Variants in PI4KA observed in about 807,000 individuals in gnomAD.
PI4KA encodes phosphatidylinositol 4-kinase alpha.
PI4KA carries 122 observed loss-of-function variants against 271.4 expected under a neutral mutation model. The ratio of observed to expected loss-of-function variants is 0.45; its 90% CI spans 0.39 to 0.52. The LOEUF is 0.52. PI4KA is among the 20% of genes least tolerant of loss of function. The probability of loss-of-function intolerance (pLI) is 0.00; values close to 1 mark genes in which losing one functional copy is unlikely to be tolerated. For synonymous variants in PI4KA, 1,041 were observed against 1,078.8 expected, an observed-to-expected ratio of 0.96 and a Z score of 0.69; for missense variants, 1,969 against 2,769.1, an observed-to-expected ratio of 0.71 and a Z score of 6.48.
At chr22:20,826,732 A>G (rs1293132182) in intron 3 of PI4KA, among the ~76,000 whole-genome samples, 2 of 152,182 alleles carry the variant, frequency 1.3e-5, no homozygotes, top group East Asian at 1.9e-4. Context: ...TGACTTTTTA[A>G]TAATAGCCAT....
intron 19 of PI4KA, chr22:20,779,859 T>C (rs1185148367): frequency 6.2e-7 from 1 of 1,614,212 alleles, no homozygotes; most frequent in Admixed American, 1.7e-5. Context: ...GATTTTGCAT[T>C]TTAAAGACTT....
chr22:20,807,321 G>T, intron 10 of PI4KA, 41 bp downstream of exon 10: 2 of 1,261,468 alleles, frequency 1.6e-6, no homozygotes, highest in Non-Finnish European at 1.2e-6. Flanking sequence ...CTGGGAGCCA[G>T]TCTTGCTGTA....
intron 19 of PI4KA, among the ~76,000 whole-genome samples, chr22:20,778,460 C>T (rs1195394790): frequency 1.2e-4 from 18 of 152,022 alleles, no homozygotes; most frequent in East Asian, 3.9e-4. Context: ...GCCGAGATCG[C>T]GCCACTGCAC....
At position 20,786,969 on chromosome 22, in the gene PI4KA, G is replaced by A. The variant is rs201913067; in HGVS notation, c.2328+6224C>T. ...TTCATGCCGCTGTCCACCCAAGTCC[G>A]CTTCACTGTCGACCGCCCCTTTCTT... On this transcript the variant is annotated intron_variant, in intron 19 of 54. Coordinates refer to ENST00000255882, the MANE Select transcript of PI4KA (RefSeq NM_058004.4). 1.2e-4 allele frequency: 200 copies of A among 1,614,042 alleles called. No homozygotes were observed. The highest frequency in any genetic ancestry group is 1.4e-4 in the Non-Finnish European group (171 of 1,180,036).
intron 7 of PI4KA, among the ~76,000 whole-genome samples, chr22:20,815,379 C>CAAAAAAAAAAAAAAAA (rs361826): frequency 2.4e-5 from 2 of 83,938 alleles, no homozygotes; most frequent in African/African-American, 4.5e-5. Context: ...GACTGCGTCT[C>CAAAAAAAAAAAAAAAA]AAAAAAAAAA....
At chr22:20,739,149 T>C (rs1031429483) in intron 32 of PI4KA, among the ~76,000 whole-genome samples, 3 of 148,406 alleles carry the variant, frequency 2.0e-5, no homozygotes, top group African/African-American at 7.4e-5. Context: ...ATCGAGACCA[T>C]CCTGGCTAAC....
intron 5 of PI4KA, 34 bp from the exon 6 acceptor site, chr22:20,819,934 A>G: frequency 6.3e-7 from 1 of 1,581,890 alleles, no homozygotes; most frequent in East Asian, 2.2e-5. Flanking sequence ...ACAATATAAG[A>G]AAGTATCCTG....
intron 3 of PI4KA, among the ~76,000 whole-genome samples, chr22:20,831,584 CAAAAACAA>C (rs1569082668): frequency 5.5e-4 from 59 of 107,754 alleles, no homozygotes; most frequent in African/African-American, 2.3e-3. Context: ...CAAACAAAAA[CAAAAACAA>C]AAACAAAAAC....
chr22:20,779,379 G>A, intron 19 of PI4KA: 1 of 1,614,210 alleles, frequency 6.2e-7, no homozygotes, highest in South Asian at 1.1e-5. Context: ...TGGGAGCAAA[G>A]GCCCGCTGGA....
rs373834102 is a variant in PI4KA at position 20,733,698 on chromosome 22, C to A, written c.4160+38G>T. ...GATGGAGCACTTGGAGGGGCTGCGC[C>A]GTCCCTGGACGCTGCACAGCACATC... On this transcript the variant is annotated intron_variant, in intron 35 of 54. Transcript: ENST00000255882. 1.8e-5 allele frequency: 29 copies of A among 1,613,808 alleles called. No individual in the cohort carries two copies. The East Asian group carries it at 5.1e-4, about 29-fold the overall frequency.
At chr22:20,824,770 ACACACACAC>A (rs1314576397) in intron 3 of PI4KA, among the ~76,000 whole-genome samples, 22 of 148,060 alleles carry the variant, frequency 1.5e-4, no homozygotes, top group Middle Eastern at 3.6e-3. Context: ...ACACACACAC[ACACACACAC>A]AAAACACTCG....
chr22:20,849,696 T>C (rs1926715452), intron 1 of PI4KA, among the ~76,000 whole-genome samples: 1 of 151,848 alleles, frequency 6.6e-6, no homozygotes, highest in Admixed American at 6.6e-5. Flanking sequence ...CTACTAAAAA[T>C]ACAAAAAATT....
chr22:20,789,059 C>T lies in PI4KA; in HGVS notation c.2328+4134G>A, dbSNP rs192841493. ...AATGCCTTTTGTTCATGTACACCCACTCAGAATCTCTCAGATCCCCTCTTA... is the reference window on the plus strand; with the variant it reads ...AATGCCTTTTGTTCATGTACACCCATTCAGAATCTCTCAGATCCCCTCTTA... On this transcript the variant is annotated intron_variant, in intron 19 of 54. Coordinates refer to ENST00000255882, the MANE Select transcript of PI4KA (RefSeq NM_058004.4). Among the ~76,000 whole-genome samples, 469 of 152,276 alleles carry T rather than the reference C, an allele frequency of 3.1e-3. 6 individuals carry two copies. Among genetic ancestry groups the T allele is most frequent in the Non-Finnish European group, 2.9e-3 (198 of 68,022 alleles).
At chr22:20,712,868 C>T (rs1482837110) in intron 48 of PI4KA, 71 bp from the exon 49 acceptor site, 2 of 1,549,778 alleles carry the variant, frequency 1.3e-6, no homozygotes, top group Admixed American at 3.9e-5. Context: ...CTGGCTCATG[C>T]AGGGCAAAAG....
chr22:20,742,854 A>C, intron 30 of PI4KA, 90 bp from the exon 31 acceptor site: 2 of 1,234,940 alleles, frequency 1.6e-6, no homozygotes, highest in Non-Finnish European at 2.4e-6. Flanking sequence ...TTGTGGTGGC[A>C]CTGGTGGGTG....
Position 20,752,911 on chromosome 22 carries a change from C to T in PI4KA, c.2979G>A (p.Leu993=), listed in dbSNP as rs777068394. Residue 993 remains leucine, a synonymous_variant, in exon 25 of 55, where the codon CTG becomes CTA. Coordinates refer to ENST00000255882, the MANE Select transcript of PI4KA (RefSeq NM_058004.4). ...CAGGAAAATGAGCTTACTTATCCAC[C>T]AGACCAGATAGATACTTGTCTGCCA... is the stretch of plus-strand genomic sequence containing the variant. ...RRVADKYLSG[L]VDKFPHLLWS... 1 of 1,613,944 alleles carries T rather than the reference C, an allele frequency of 6.2e-7. No individual in the cohort carries two copies. The highest frequency in any genetic ancestry group is 1.3e-5 in the African/African-American group (1 of 74,904).
intron 22 of PI4KA, among the ~76,000 whole-genome samples, chr22:20,763,991 A>C (rs1191816193): frequency 6.6e-6 from 1 of 152,206 alleles, no homozygotes; most frequent in Non-Finnish European, 1.5e-5. Flanking sequence ...TGAAAGGCTA[A>C]AATAGTGTTT....
At chr22:20,813,966 T>C (rs2147663364) in intron 7 of PI4KA, among the ~76,000 whole-genome samples, 1 of 152,204 alleles carries the variant, frequency 6.6e-6, no homozygotes, top group South Asian at 2.1e-4. Flanking sequence ...ACCTAGGTAA[T>C]TTTCGTATTT....
intron 32 of PI4KA, chr22:20,736,866 TAC>T (rs2147263945): frequency 6.5e-6 from 1 of 153,034 alleles, no homozygotes; most frequent in Non-Finnish European, 1.5e-5. Context: ...CACTGGCATC[TAC>T]AGTGATGAGA....
Sources: gnomAD v4.1 joint callset for allele counts (sites outside exome capture counted in the v4.1 genomes callset) on GRCh38, gnomAD v4.1.1 for gene constraint, MANE v1.5 for transcripts, NCBI Gene and HGNC (gene_info 2026-07-23, HGNC 2026-07-21) for gene names.